The following LRP1 variants were observed in gnomAD, a reference collection of about 807,000 sequenced individuals.
LRP1 encodes LDL receptor related protein 1.
Under a neutral mutation model 541.5 loss-of-function variants are expected in LRP1, and 51 were observed. The observed-to-expected ratio is 0.09, with a 90% confidence interval of 0.08 to 0.12. The LOEUF is 0.12. LRP1 is among the 10% of genes least tolerant of loss of function. LRP1 has a pLI of 1.00. For missense variants in LRP1, 3,878 were observed against 6,376.2 expected, an observed-to-expected ratio of 0.61 and a Z score of 13.34; for synonymous variants, 2,219 against 2,470.8, an observed-to-expected ratio of 0.90 and a Z score of 3.02.
At position 57,175,937 on chromosome 12, in the gene LRP1, C is replaced by G; in HGVS notation, c.3822C>G (p.Ser1274=). Residue 1274 remains serine (S), a synonymous_variant, in exon 24 of 89, where the codon TCC becomes TCG. Transcript: ENST00000243077. ...LDPFKPFIIF[S]NRHEIRRIDL... is the part of the protein sequence containing the mutation. The stretch of plus-strand genomic sequence containing the variant: ...CCTTCAAGCCGTTCATCATTTTCTC[C>G]AACCGCCATGAAATCCGGCGCATCG... 6.2e-7 allele frequency: 1 copy of G among 1,614,216 alleles called. No homozygotes were observed. The highest frequency in any genetic ancestry group is 8.5e-7 in the Non-Finnish European group (1 of 1,180,048).
chr12:57,170,241 T>G (rs981894990), intron 20 of LRP1, among the ~76,000 whole-genome samples: 7 of 152,378 alleles, frequency 4.6e-5, no homozygotes, highest in Admixed American at 1.3e-4. Context: ...TACACCCTTA[T>G]GACCTCATCT....
intron 19 of LRP1, among the ~76,000 whole-genome samples, chr12:57,168,714 C>T (rs1394618245): frequency 6.6e-6 from 1 of 152,176 alleles, no homozygotes; most frequent in Non-Finnish European, 1.5e-5. Context: ...GCATGGTATT[C>T]AGCAGTGCCA....
rs1343844747 is a variant in LRP1, at chr12:57,212,615, C to T, written c.*60C>T. The T allele has an allele frequency of 4.0e-5, 59 of 1,491,260 alleles. No homozygotes were observed. The highest frequency in any genetic ancestry group is 5.0e-5 in the Non-Finnish European group (56 of 1,112,704). 92.4% of individuals were successfully genotyped at this position (1,491,260 alleles called of 1,614,324 possible). A position where few individuals can be genotyped will look rare whatever the true frequency, so the allele number is the denominator to read the frequency against. On this transcript the variant is annotated 3_prime_UTR_variant, in exon 89 of 89. Transcript: ENST00000243077. This position sits in a 1 kb window ranked among gnomAD's most constrained non-coding sequence, Gnocchi z 5.0. Reference sequence around the variant, plus strand: ...CCTGCCCCCTGCCAGTGAAGTCCTTCAGTGAGCCCCTCCCCAGCCAGCCCT... The same window carrying T: ...CCTGCCCCCTGCCAGTGAAGTCCTTTAGTGAGCCCCTCCCCAGCCAGCCCT...
chr12:57,177,875 G>A lies in LRP1; in HGVS notation c.4361+284G>A, dbSNP rs2036080447. Reference sequence around the variant, plus strand: ...CTCTCCACTCTGTTCCCTCTGCTGGGGCTGTGTCTGCCCAGAGGGAGGGGA... The same window carrying A: ...CTCTCCACTCTGTTCCCTCTGCTGGAGCTGTGTCTGCCCAGAGGGAGGGGA... On this transcript the variant is annotated intron_variant, in intron 26 of 88. Transcript: ENST00000243077. The surrounding 1 kb of genome is among the most constrained non-coding windows in gnomAD (Gnocchi z 6.8). 6.6e-6 allele frequency among the ~76,000 whole-genome samples: 1 copy of A among 152,102 alleles called. No individual in the cohort carries two copies. The highest frequency in any genetic ancestry group is 1.5e-5 in the Non-Finnish European group (1 of 68,018).
chr12:57,176,963 C>T, intron 24 of LRP1, 78 bp from the exon 25 acceptor site: 8 of 1,306,270 alleles, frequency 6.1e-6, no homozygotes, highest in Middle Eastern at 1.9e-4. Context: ...GGTGGGTCAT[C>T]GAGGGCTCCC....
At chr12:57,175,327 A>T in intron 22 of LRP1, 133 bp from the exon 23 acceptor site, 1 of 1,032,128 alleles carries the variant, frequency 9.7e-7, no homozygotes, top group South Asian at 1.5e-5. Context: ...GCAGGAATGG[A>T]GACGAATGGG....
chr12:57,173,464 G>A lies in LRP1; in HGVS notation c.3346+114G>A. On this transcript the variant is annotated intron_variant, in intron 21 of 88. Transcript: ENST00000243077. The surrounding 1 kb of genome is among the most constrained non-coding windows in gnomAD (Gnocchi z 4.7). ...GCACTGTGCTGTGTGGAGTGGTGCT[G>A]GGGACAGTGCAAGGCAAAAGGCAGT... 8.3e-7 allele frequency: 1 copy of A among 1,210,836 alleles called. No homozygotes were observed. Among genetic ancestry groups the A allele is most frequent in the Non-Finnish European group, 1.2e-6 (1 of 866,684 alleles). The allele number at this position is 1,210,836 out of a possible 1,614,324, so 75.0% of individuals were successfully genotyped here. A position where few individuals can be genotyped will look rare whatever the true frequency, so the allele number is the denominator to read the frequency against.
chr12:57,186,025 A>C, intron 41 of LRP1, 117 bp downstream of exon 41: 62 of 1,229,496 alleles, frequency 5.0e-5, no homozygotes, highest in Non-Finnish European at 6.5e-5. Flanking sequence ...GCTACAACTC[A>C]GCTGAATCCA....
At position 57,179,026 on chromosome 12, in the gene LRP1, G is replaced by A. The variant is rs2036106632; in HGVS notation, c.4738+5G>A. The A allele has an allele frequency of 1.9e-6, 3 of 1,612,658 alleles. No homozygotes were observed. The highest frequency in any genetic ancestry group is 1.3e-5 in the African/African-American group (1 of 74,850). ...AGGACAACACCACCTGCTATGGTAGGAGCCCCTCCCTCCAGAGCCAGTGAG... is the reference window on the plus strand; with the variant it reads ...AGGACAACACCACCTGCTATGGTAGAAGCCCCTCCCTCCAGAGCCAGTGAG... On this transcript the variant is annotated splice_donor_5th_base_variant and intron_variant, in intron 28 of 88. Coordinates refer to ENST00000243077, the MANE Select transcript of LRP1 (RefSeq NM_002332.3). This position sits in a 1 kb window ranked among gnomAD's most constrained non-coding sequence, Gnocchi z 6.8.
intron 1 of LRP1, among the ~76,000 whole-genome samples, chr12:57,134,557 A>G (rs1400879500): frequency 6.6e-6 from 1 of 151,956 alleles, no homozygotes; most frequent in Non-Finnish European, 1.5e-5. Context: ...TAATTTTTGT[A>G]TTTTTAGTAG....
In LRP1 at chr12:57,185,278, C is replaced by A; in HGVS notation, c.6463+73C>A. 1.3e-6 allele frequency: 2 copies of A among 1,581,138 alleles called. No individual in the cohort carries two copies. The highest frequency in any genetic ancestry group is 1.7e-5 in the Admixed American group (1 of 57,578). ...GCCTGGGAGAGTGCTCCCCAGGGAA[C>A]CCAGTGTGAGAGGGCTGGGAGACAA... On this transcript the variant is annotated intron_variant, in intron 40 of 88. Coordinates refer to ENST00000243077, the MANE Select transcript of LRP1 (RefSeq NM_002332.3). This position sits in a 1 kb window ranked among gnomAD's most constrained non-coding sequence, Gnocchi z 4.9.
Position 57,212,737 on chromosome 12 carries a change from A to C in LRP1, c.*182A>C. ...CAAGCGAGCACAGTATTATTTCTCC[A>C]TCCCCTCCCTGCCTGCTCCTTGGCA... On this transcript the variant is annotated 3_prime_UTR_variant, in exon 89 of 89. Coordinates refer to ENST00000243077, the MANE Select transcript of LRP1 (RefSeq NM_002332.3). The surrounding 1 kb of genome is among the most constrained non-coding windows in gnomAD (Gnocchi z 5.0). 1.6e-6 allele frequency: 1 copy of C among 642,276 alleles called. No homozygotes were observed. The highest frequency in any genetic ancestry group is 2.5e-6 in the Non-Finnish European group (1 of 392,958). The allele number at this position is 642,276 out of a possible 1,614,324, so 39.8% of individuals were successfully genotyped here.
chr12:57,134,792 C>T (rs1229790298), intron 1 of LRP1, among the ~76,000 whole-genome samples: 3 of 152,160 alleles, frequency 2.0e-5, no homozygotes, highest in African/African-American at 7.2e-5. Context: ...GCAAGCTCCG[C>T]CTCCCCTGGT....
chr12:57,193,765 C>A, intron 47 of LRP1, 80 bp downstream of exon 47: 1 of 1,609,956 alleles, frequency 6.2e-7, no homozygotes, highest in Non-Finnish European at 8.5e-7. Flanking sequence ...TGTCCCTGGG[C>A]CCCGTGGTGT....
intron 1 of LRP1, among the ~76,000 whole-genome samples, chr12:57,138,083 G>T (rs34102276): frequency 3.9e-5 from 6 of 152,234 alleles, no homozygotes; most frequent in African/African-American, 1.4e-4. Context: ...AAGACAAAGA[G>T]AAAACATGTC....
Position 57,212,103 on chromosome 12 carries a change from C to T in LRP1, c.13350-14C>T. On this transcript the variant is annotated splice_polypyrimidine_tract_variant and intron_variant, in intron 87 of 88. Transcript: ENST00000243077. The surrounding 1 kb of genome is among the most constrained non-coding windows in gnomAD (Gnocchi z 5.0). ...CAATAATCTCTGTCTCCTTATACTC[C>T]TGCCTTTCCCCAGGGCTAAGGGCTT... 6.2e-7 allele frequency: 1 copy of T among 1,613,682 alleles called. No individual in the cohort carries two copies. Among genetic ancestry groups the T allele is most frequent in the Admixed American group, 1.7e-5 (1 of 59,996 alleles).
chr12:57,141,893 G>A (rs2035299737), intron 3 of LRP1, among the ~76,000 whole-genome samples: 1 of 152,194 alleles, frequency 6.6e-6, no homozygotes, highest in Non-Finnish European at 1.5e-5. Context: ...ACAGGGAGGA[G>A]CAGAGGTGCT....
In LRP1 at chr12:57,205,414, G is replaced by A. The variant is rs372801291; in HGVS notation, c.11399G>A (p.Arg3800His). Residue 3800 changes from arginine to histidine, a missense_variant, in exon 74 of 89, where the codon CGC becomes CAC. Physicochemically the swap from Arg to His is conservative, Grantham distance 29. This residue lies in a region of LRP1 where 871 missense variants were observed against 1,212.4 expected (regional missense o/e 0.72). Coordinates refer to ENST00000243077, the MANE Select transcript of LRP1 (RefSeq NM_002332.3). This position sits in a 1 kb window ranked among gnomAD's most constrained non-coding sequence, Gnocchi z 4.6. ...SICGDEARCV[R>H]TEKAAYCACR... ...TGTGGGGACGAGGCACGCTGCGTGCGCACCGAGAAAGCGGCCTACTGTGCC... is the reference window on the plus strand; with the variant it reads ...TGTGGGGACGAGGCACGCTGCGTGCACACCGAGAAAGCGGCCTACTGTGCC... 2.8e-5 allele frequency: 45 copies of A among 1,608,634 alleles called. No homozygotes were observed. Among genetic ancestry groups the A allele is most frequent in the South Asian group, 4.4e-5 (4 of 91,030 alleles).
intron 1 of LRP1, among the ~76,000 whole-genome samples, chr12:57,129,256 C>A (rs1328663232): frequency 1.3e-5 from 2 of 152,166 alleles, no homozygotes; most frequent in South Asian, 2.1e-4. Context: ...AAACAAAGAC[C>A]AGAGGCCTGG....
Sources: allele counts gnomAD v4.1 joint callset (sites outside exome capture counted in the v4.1 genomes callset), GRCh38; gene constraint gnomAD v4.1.1; regional missense constraint gnomAD v4.1.1; non-coding constraint Gnocchi (gnomAD v3.1); transcripts MANE v1.5; gene names NCBI Gene and HGNC (gene_info 2026-07-23, HGNC 2026-07-21).